Variants in HDAC9 observed in about 807,000 individuals in gnomAD.
The protein encoded by HDAC9 is MEF-2 interacting transcription repressor (MITR) protein.
A neutral mutation model predicts 139.4 loss-of-function variants in HDAC9; 41 were observed. The ratio of observed to expected loss-of-function variants is 0.29; its 90% CI spans 0.23 to 0.38. The LOEUF (loss-of-function observed/expected upper bound fraction) is 0.38, where lower values mean the gene tolerates loss of function less well. Ranked by LOEUF, HDAC9 falls within the 10% of genes least tolerant of loss-of-function variation. The pLI is 1.00. For synonymous variants in HDAC9, 517 were observed against 476.2 expected (o/e 1.09, Z -1.12); for missense variants, 1,147 against 1,297.0 (o/e 0.88, Z 1.78).
At chr7:18,578,234 G>A (rs753998946) in intron 2 of HDAC9, 2 of 519,026 alleles carry the variant, frequency 3.9e-6, no homozygotes, top group South Asian at 1.4e-5. Context: ...GAGCAGTAGT[G>A]CAGCCCTAAT....
At chr7:18,406,525 C>T (rs1215635324) in intron 1 of HDAC9, among the ~76,000 whole-genome samples, 1 of 152,126 alleles carries the variant, frequency 6.6e-6, no homozygotes, top group African/African-American at 2.4e-5. Flanking sequence ...TCCCGAGTAG[C>T]TGGGACTACA....
At chr7:18,553,683 C>T (rs546393149) in intron 2 of HDAC9, among the ~76,000 whole-genome samples, 27 of 152,210 alleles carry the variant, frequency 1.8e-4, no homozygotes, top group African/African-American at 6.0e-4. Flanking sequence ...ATTTTCTCCC[C>T]GAGGCAAATA....
At chr7:18,685,160 A>G (rs1393952923) in intron 12 of HDAC9, among the ~76,000 whole-genome samples, 1 of 152,050 alleles carries the variant, frequency 6.6e-6, no homozygotes, top group South Asian at 2.1e-4. Flanking sequence ...ATAAAAAAAG[A>G]CTGTCAAACA....
In HDAC9 at chr7:19,000,563, A is replaced by C. The variant is rs2129357861; in HGVS notation, c.*4501A>C. 1 of 152,346 alleles carries C rather than the reference A, an allele frequency of 6.6e-6. No individual in the cohort carries two copies. Among genetic ancestry groups the C allele is most frequent in the Non-Finnish European group, 1.5e-5 (1 of 68,032 alleles). 9.4% of individuals were successfully genotyped at this position (152,346 alleles called of 1,614,324 possible). The stretch of plus-strand genomic sequence containing the variant: ...TGGCTTCGTATAATGGTTTTGTAAA[A>C]TACATTAAATACAATTAAGTCCGTT... On this transcript the variant is annotated 3_prime_UTR_variant, in exon 26 of 26. Coordinates refer to ENST00000686413, the MANE Select transcript of HDAC9 (RefSeq NM_178425.4).
intron 20 of HDAC9, 119 bp downstream of exon 20, chr7:18,835,705 A>G: frequency 1.4e-6 from 2 of 1,383,582 alleles, no homozygotes; most frequent in South Asian, 2.4e-5. Flanking sequence ...AGATTACTGA[A>G]TTGTCCCATG....
intron 2 of HDAC9, among the ~76,000 whole-genome samples, chr7:18,570,173 A>G (rs1272605540): frequency 6.6e-6 from 1 of 152,180 alleles, no homozygotes; most frequent in African/African-American, 2.4e-5. Context: ...TAGTGAATTT[A>G]AGAAAAACAA....
chr7:18,630,921 A>T (rs998394729), intron 7 of HDAC9, among the ~76,000 whole-genome samples: 5 of 152,146 alleles, frequency 3.3e-5, no homozygotes, highest in African/African-American at 1.2e-4. Flanking sequence ...CTAACTGCAG[A>T]AAGTAAGCCC....
intron 1 of HDAC9, among the ~76,000 whole-genome samples, chr7:18,141,640 A>T (rs375528796): frequency 6.6e-6 from 1 of 152,078 alleles, no homozygotes; most frequent in African/African-American, 2.4e-5. Flanking sequence ...TTCTGATGCA[A>T]TGTCCGTGGG....
At chr7:18,175,871 A>G (rs1476066275) in intron 2 of HDAC9, among the ~76,000 whole-genome samples, 2 of 148,366 alleles carry the variant, frequency 1.3e-5, no homozygotes, top group African/African-American at 5.0e-5. Context: ...TGCATAATTA[A>G]CCTTTTCTCC....
chr7:18,529,964 G>A (rs371678417), intron 2 of HDAC9, among the ~76,000 whole-genome samples: 9 of 151,942 alleles, frequency 5.9e-5, no homozygotes, highest in African/African-American at 2.2e-4. Context: ...TACACATTTA[G>A]TGCTTTAAGA....
At chr7:18,350,185 T>G (rs1280249178) in intron 1 of HDAC9, among the ~76,000 whole-genome samples, 3 of 152,174 alleles carry the variant, frequency 2.0e-5, no homozygotes, top group Non-Finnish European at 4.4e-5. Context: ...TTTAATAAAT[T>G]AGAATTTATT....
intron 2 of HDAC9, among the ~76,000 whole-genome samples, chr7:18,528,938 G>T (rs1038530782): frequency 1.3e-5 from 2 of 151,996 alleles, no homozygotes; most frequent in African/African-American, 4.8e-5. Context: ...GAGATAAAAT[G>T]GCTATTTTAG....
rs534006426 is a variant in HDAC9 at position 18,746,161 on chromosome 7, G to A, written c.1910-2844G>A. Among the ~76,000 whole-genome samples, 139 of 152,064 alleles carry A rather than the reference G, an allele frequency of 9.1e-4. 1 individual carries two copies. Among genetic ancestry groups the A allele is most frequent in the African/African-American group, 3.1e-3 (129 of 41,484 alleles). On this transcript the variant is annotated intron_variant, in intron 13 of 25. Coordinates refer to ENST00000686413, the MANE Select transcript of HDAC9 (RefSeq NM_178425.4). Reference sequence around the variant, plus strand: ...GCTAGGCTTACAGGTGTAAGGCACCGTACCTGGCCAAAAATATATTTTCAA... The same window carrying A: ...GCTAGGCTTACAGGTGTAAGGCACCATACCTGGCCAAAAATATATTTTCAA...
chr7:18,902,163 A>T (rs915073038), intron 22 of HDAC9, among the ~76,000 whole-genome samples: 1 of 152,216 alleles, frequency 6.6e-6, no homozygotes, highest in Non-Finnish European at 1.5e-5. Flanking sequence ...GGATGACAAC[A>T]GTGAAATGTC....
chr7:18,397,043 C>T (rs1485698719), intron 1 of HDAC9, among the ~76,000 whole-genome samples: 4 of 152,064 alleles, frequency 2.6e-5, no homozygotes, highest in African/African-American at 4.8e-5. Context: ...AAAAGATCAT[C>T]GTCGACTCCT....
chr7:18,938,278 A>G (rs1392674045), intron 23 of HDAC9, among the ~76,000 whole-genome samples: 1 of 147,462 alleles, frequency 6.8e-6, no homozygotes, highest in Non-Finnish European at 1.5e-5. Flanking sequence ...GAGAGATTAC[A>G]TATTCTTAAA....
Position 18,988,220 on chromosome 7 carries a change from A to G in HDAC9, c.3171-7803A>G, listed in dbSNP as rs1175595042. Among the ~76,000 whole-genome samples, 5 of 151,054 alleles carry G rather than the reference A, an allele frequency of 3.3e-5. No homozygotes were observed. The East Asian group carries it at 5.8e-4, about 18-fold the overall frequency. On this transcript the variant is annotated intron_variant, in intron 25 of 25. Transcript: ENST00000686413. ...CATTTAGTGCTGTAAATTTTCCTCTACATACTGCTTTGAATGCTTCCCAGA... is the reference window on the plus strand; with the variant it reads ...CATTTAGTGCTGTAAATTTTCCTCTGCATACTGCTTTGAATGCTTCCCAGA...
At chr7:18,972,370 T>A (rs1563096489) in intron 24 of HDAC9, among the ~76,000 whole-genome samples, 2 of 11,654 alleles carry the variant, frequency 1.7e-4, no homozygotes, top group Non-Finnish European at 3.6e-4. Context: ...TGAACTTCTC[T>A]TTTTTTTTTT....
At chr7:18,899,314 G>A (rs902199524) in intron 22 of HDAC9, 4 of 151,868 alleles carry the variant, frequency 2.6e-5, no homozygotes, top group African/African-American at 7.2e-5. Context: ...CTCACCTGAT[G>A]TACTGGTATA....
Sources: gnomAD v4.1 joint callset for allele counts (sites outside exome capture counted in the v4.1 genomes callset) on GRCh38, gnomAD v4.1.1 for gene constraint, MANE v1.5 for transcripts, NCBI Gene and HGNC (gene_info 2026-07-23, HGNC 2026-07-21) for gene names.